The following RIMKLB variants were observed in gnomAD, a reference collection of about 807,000 sequenced individuals.
The protein encoded by RIMKLB is ribosomal modification protein rimK like family member B, also known as beta-citrylglutamate synthase B.
A neutral mutation model predicts 32.0 loss-of-function variants in RIMKLB; 7 were observed. That is an observed-to-expected ratio of 0.22 (90% CI 0.12 to 0.41). The LOEUF is 0.41. RIMKLB is among the 10% of genes least tolerant of loss of function. The pLI, the probability that RIMKLB is intolerant of heterozygous loss-of-function variation, is 1.00. For synonymous variants in RIMKLB, 172 were observed against 185.1 expected (o/e 0.93, Z 0.57); for missense variants, 289 against 498.7 (o/e 0.58, Z 4.00).
intron 1 of RIMKLB, among the ~76,000 whole-genome samples, chr12:8,683,540 C>T (rs560084443): frequency 6.6e-6 from 1 of 152,096 alleles, no homozygotes; most frequent in Admixed American, 6.6e-5. Context: ...GCCCATTTGC[C>T]ATCTGTATAT....
intron 2 of RIMKLB, among the ~76,000 whole-genome samples, chr12:8,718,669 ATGTGTGTGTG>A (rs1182850325): frequency 8.6e-5 from 10 of 116,206 alleles, no homozygotes; most frequent in East Asian, 7.3e-4. Context: ...ATATATATAT[ATGTGTGTGTG>A]TGTGTGTGTG....
intron 5 of RIMKLB, among the ~76,000 whole-genome samples, chr12:8,771,176 G>C (rs969394906): frequency 2.6e-5 from 4 of 152,118 alleles, no homozygotes; most frequent in African/African-American, 9.7e-5. Flanking sequence ...TGGACCAAAA[G>C]GGTATGATCT....
intron 2 of RIMKLB, among the ~76,000 whole-genome samples, chr12:8,714,533 T>G (rs1429906111): frequency 6.6e-6 from 1 of 152,234 alleles, no homozygotes; most frequent in Non-Finnish European, 1.5e-5. Context: ...ATGTGATTCC[T>G]TTTTATAAAA....
At chr12:8,736,208 G>T (rs147069481) in intron 2 of RIMKLB, among the ~76,000 whole-genome samples, 1,642 of 152,262 alleles carry the variant, frequency 0.011, 24 homozygotes, top group African/African-American at 0.037. Context: ...TACAAGTTTG[G>T]TGTCTGCTTG....
intron 2 of RIMKLB, among the ~76,000 whole-genome samples, chr12:8,735,547 AT>A (rs1565594357): frequency 6.6e-6 from 1 of 151,696 alleles, no homozygotes. Flanking sequence ...TTTTTTTTTA[AT>A]GTAAATACCA....
intron 2 of RIMKLB, among the ~76,000 whole-genome samples, chr12:8,748,519 C>CGTGTGTGTGTGTGTGTGT (rs58187682): frequency 3.8e-5 from 5 of 131,278 alleles, no homozygotes; most frequent in African/African-American, 8.9e-5. Flanking sequence ...TGGGATTATT[C>CGTGTGTGTGTGTGTGTGT]GTGTGTGTGT....
chr12:8,701,850 C>G (rs745705714), intron 1 of RIMKLB, among the ~76,000 whole-genome samples: 1 of 151,630 alleles, frequency 6.6e-6, no homozygotes, highest in African/African-American at 2.4e-5. Context: ...ACTAAAAATA[C>G]AAAAATTAGC....
intron 1 of RIMKLB, among the ~76,000 whole-genome samples, chr12:8,690,845 C>T: frequency 6.6e-6 from 1 of 152,166 alleles, no homozygotes; most frequent in East Asian, 1.9e-4. Flanking sequence ...ATCACTTGAA[C>T]CCGGGAGGCA....
chr12:8,676,382 CTTTTTTTTTTTTTTT>C, the RIMKLB span, among the ~76,000 whole-genome samples: 16 of 37,346 alleles, frequency 4.3e-4, 1 homozygote, highest in African/African-American at 6.8e-4. Flanking sequence ...CCCCCAACAG[CTTTTTTTTTTTTTTT>C]TTTTTTTTTT....
At chr12:8,684,951 T>C (rs1942528229) in intron 1 of RIMKLB, among the ~76,000 whole-genome samples, 1 of 152,374 alleles carries the variant, frequency 6.6e-6, no homozygotes, top group East Asian at 1.9e-4. Context: ...CACTTGCTCA[T>C]CACTGATATA....
At chr12:8,691,156 G>A (rs1349685059) in intron 1 of RIMKLB, among the ~76,000 whole-genome samples, 2 of 152,018 alleles carry the variant, frequency 1.3e-5, no homozygotes, top group African/African-American at 4.8e-5. Flanking sequence ...GAAACAATAC[G>A]AAAGATGGGA....
chr12:8,777,239 T>TTTTTTA, downstream of RIMKLB: 1 of 963,224 alleles, frequency 1.0e-6, no homozygotes, highest in Non-Finnish European at 1.2e-6. Context: ...TTTTTTTTTT[T>TTTTTTA]TCTTCTTAAA....
At chr12:8,695,326 C>CCA (rs1337058617), upstream of RIMKLB, among the ~76,000 whole-genome samples, 1 of 151,910 alleles carries the variant, frequency 6.6e-6, no homozygotes, top group Non-Finnish European at 1.5e-5. Flanking sequence ...GTGTTGCTAC[C>CCA]CAAAGGAGAT....
intron 2 of RIMKLB, among the ~76,000 whole-genome samples, chr12:8,744,650 T>G (rs781322333): frequency 6.6e-6 from 1 of 151,650 alleles, no homozygotes. Flanking sequence ...TAGATTTTGC[T>G]AGTTTTTTAA....
chr12:8,719,824 C>G (rs1945258251), intron 2 of RIMKLB, among the ~76,000 whole-genome samples: 1 of 152,168 alleles, frequency 6.6e-6, no homozygotes, highest in African/African-American at 2.4e-5. Context: ...CATGAAATGC[C>G]TGTTTCATAA....
intron 1 of RIMKLB, among the ~76,000 whole-genome samples, chr12:8,688,161 C>T (rs1034125220): frequency 1.3e-5 from 2 of 152,170 alleles, no homozygotes; most frequent in East Asian, 3.8e-4. Context: ...ATGTATGAAC[C>T]TGTATGAATT....
chr12:8,708,582 C>A (rs977702443), intron 1 of RIMKLB, among the ~76,000 whole-genome samples: 1 of 152,054 alleles, frequency 6.6e-6, no homozygotes, highest in Non-Finnish European at 1.5e-5. Flanking sequence ...AGTTTTAGAT[C>A]CCAGGATGTT....
upstream of RIMKLB, among the ~76,000 whole-genome samples, chr12:8,695,278 T>C (rs1198566291): frequency 1.4e-4 from 20 of 145,922 alleles, no homozygotes; most frequent in Admixed American, 1.5e-3. Flanking sequence ...TGGTGCATGA[T>C]TATGTCAAGA....
intron 5 of RIMKLB, among the ~76,000 whole-genome samples, chr12:8,764,410 G>A (rs907780947): frequency 1.8e-4 from 28 of 152,088 alleles, no homozygotes; most frequent in African/African-American, 6.5e-4. Flanking sequence ...AAGGGAGTGG[G>A]GCTTTCAGGG....
Sources: allele counts gnomAD v4.1 joint callset (sites outside exome capture counted in the v4.1 genomes callset), GRCh38; gene constraint gnomAD v4.1.1; transcripts MANE v1.5; gene names NCBI Gene and HGNC (gene_info 2026-07-23, HGNC 2026-07-21).